The following ZW10 variants were observed in gnomAD, a reference collection of about 807,000 sequenced individuals.
The protein encoded by ZW10 is centromere/kinetochore protein zw10 homolog.
A neutral mutation model predicts 87.8 loss-of-function variants in ZW10; 53 were observed. The ratio of observed to expected loss-of-function variants is 0.60; its 90% CI spans 0.48 to 0.76. ZW10 has a LOEUF of 0.76. Among genes scored for constraint, ZW10 ranks in the 30% least tolerant of loss-of-function variants. ZW10 has a pLI of 0.00. For synonymous variants in ZW10, 312 were observed against 329.2 expected (o/e 0.95, Z 0.57); for missense variants, 837 against 923.0 (o/e 0.91, Z 1.21).
chr11:113,734,999 A>T (rs1008346670), intron 15 of ZW10, among the ~76,000 whole-genome samples: 2 of 152,118 alleles, frequency 1.3e-5, no homozygotes, highest in African/African-American at 4.8e-5. Flanking sequence ...GATAATGGTT[A>T]CCCCTCATGG....
chr11:113,773,039 A>G (rs1235060555), intron 1 of ZW10, among the ~76,000 whole-genome samples: 2 of 151,418 alleles, frequency 1.3e-5, no homozygotes, highest in African/African-American at 4.8e-5. Context: ...TTTTTTTTTA[A>G]TGTCGGGGAG....
At chr11:113,736,574 T>A in intron 15 of ZW10, 46 bp downstream of exon 15, 1 of 1,576,638 alleles carries the variant, frequency 6.3e-7, no homozygotes, top group Non-Finnish European at 8.7e-7. Context: ...ATTACTCTCT[T>A]GTAGCTATGG....
intron 15 of ZW10, 25 bp from the exon 16 acceptor site, chr11:113,733,839 AT>A: frequency 6.3e-7 from 1 of 1,579,540 alleles, no homozygotes; most frequent in Non-Finnish European, 8.6e-7. Flanking sequence ...ATAGAGTTCC[AT>A]TTCCTATTAG....
At chr11:113,748,973 G>T (rs1227447300) in intron 7 of ZW10, among the ~76,000 whole-genome samples, 1 of 152,056 alleles carries the variant, frequency 6.6e-6, no homozygotes, top group African/African-American at 2.4e-5. Flanking sequence ...TAAGAACCAG[G>T]CACCAATGTA....
intron 2 of ZW10, among the ~76,000 whole-genome samples, chr11:113,762,921 T>C (rs1953876537): frequency 6.6e-6 from 1 of 152,188 alleles, no homozygotes; most frequent in Non-Finnish European, 1.5e-5. Context: ...AAAAATGGGA[T>C]ACATGTGCAG....
In ZW10 at chr11:113,747,714, C is replaced by A; in HGVS notation, c.1090-1G>T. The A allele has an allele frequency of 3.8e-6, 6 of 1,581,202 alleles. No homozygotes were observed. Among genetic ancestry groups the A allele is most frequent in the Non-Finnish European group, 5.2e-6 (6 of 1,164,050 alleles). ...CAAATTCTTCAGTGGACTGTATGAT[C>A]TGAGATACAAAAGAAAAAAAAGAAA... On this transcript the variant is annotated splice_acceptor_variant, in intron 8 of 15. Transcript: ENST00000200135. LOFTEE classifies it high-confidence loss of function.
At chr11:113,757,938 C>A in intron 6 of ZW10, 85 bp from the exon 7 acceptor site, 1 of 1,176,994 alleles carries the variant, frequency 8.5e-7, no homozygotes, top group Non-Finnish European at 1.1e-6. Context: ...GTAATCCCAG[C>A]ACTTTGGGAG....
At chr11:113,760,169 G>C in intron 5 of ZW10, 40 bp downstream of exon 5, 1 of 1,599,488 alleles carries the variant, frequency 6.3e-7, no homozygotes, top group African/African-American at 1.3e-5. Flanking sequence ...CACTGGTTCA[G>C]GCAGATGAAG....
intron 7 of ZW10, among the ~76,000 whole-genome samples, chr11:113,754,510 A>G (rs1031975264): frequency 7.2e-5 from 11 of 152,044 alleles, no homozygotes; most frequent in African/African-American, 2.7e-4. Context: ...ACCCTTAAGG[A>G]TTATGCTAAA....
At chr11:113,769,161 CATT>C (rs766090753) in intron 1 of ZW10, among the ~76,000 whole-genome samples, 194 bp from the exon 2 acceptor site, 20 of 151,608 alleles carry the variant, frequency 1.3e-4, no homozygotes, top group South Asian at 8.3e-4. Flanking sequence ...GGTCTCATAA[CATT>C]ATTAGGGTGA....
At chr11:113,745,372 T>A (rs952310959) in intron 9 of ZW10, among the ~76,000 whole-genome samples, 2 of 151,918 alleles carry the variant, frequency 1.3e-5, no homozygotes, top group African/African-American at 2.4e-5. Context: ...ATAACAACTT[T>A]GCACATACTG....
chr11:113,741,027 T>A (rs2134869032), intron 11 of ZW10, among the ~76,000 whole-genome samples: 1 of 151,958 alleles, frequency 6.6e-6, no homozygotes, highest in South Asian at 2.1e-4. Flanking sequence ...AGGTTCACAA[T>A]AAGCTTTTAT....
chr11:113,757,499 C>CA (rs752454171), intron 7 of ZW10, among the ~76,000 whole-genome samples, 163 bp downstream of exon 7: 3 of 152,080 alleles, frequency 2.0e-5, no homozygotes, highest in African/African-American at 4.8e-5. Flanking sequence ...GCAAAATAGG[C>CA]AAAAAAACAA....
At chr11:113,743,780 T>A (rs1225221537) in intron 10 of ZW10, 22 bp downstream of exon 10, 2 of 1,590,286 alleles carry the variant, frequency 1.3e-6, no homozygotes, top group East Asian at 4.5e-5. Flanking sequence ...ATTGCCATTT[T>A]CACACAACCC....
In ZW10 at chr11:113,760,240, C is replaced by T; in HGVS notation, c.549G>A (p.Lys183=). ...ILYHLGEEWQ[K]LIVWKFPPSK... ...ATGGTGGGAACTTCCATACAATCAG[C>T]TTCTGCCACTCTTCTCCAAGGTGAT... Residue 183 remains lysine, a synonymous_variant, in exon 5 of 16, where the codon AAG becomes AAA. Transcript: ENST00000200135. The T allele has an allele frequency of 6.2e-7, 1 of 1,614,050 alleles. No individual in the cohort carries two copies. The highest frequency in any genetic ancestry group is 8.5e-7 in the Non-Finnish European group (1 of 1,179,970).
intron 7 of ZW10, among the ~76,000 whole-genome samples, chr11:113,752,926 C>T (rs866500780): frequency 5.3e-5 from 8 of 152,296 alleles, no homozygotes; most frequent in Admixed American, 2.0e-4. Flanking sequence ...AAAACTAGGC[C>T]TCTTGCACCA....
chr11:113,735,309 G>A (rs1227398714), intron 15 of ZW10, among the ~76,000 whole-genome samples: 1 of 152,118 alleles, frequency 6.6e-6, no homozygotes, highest in African/African-American at 2.4e-5. Flanking sequence ...ACAACAGAAA[G>A]AAAAATTCTT....
chr11:113,747,007 A>T (rs1953685160), intron 9 of ZW10, among the ~76,000 whole-genome samples: 1 of 152,044 alleles, frequency 6.6e-6, no homozygotes, highest in Non-Finnish European at 1.5e-5. Context: ...CAAGGTATAT[A>T]CATTATTTCA....
intron 1 of ZW10, among the ~76,000 whole-genome samples, chr11:113,772,075 T>G (rs1195435225): frequency 6.6e-6 from 1 of 151,700 alleles, no homozygotes; most frequent in African/African-American, 2.4e-5. Context: ...ACATTTGAAA[T>G]GGAACTTGAA....
Sources: gnomAD v4.1 joint callset for allele counts (sites outside exome capture counted in the v4.1 genomes callset) on GRCh38, gnomAD v4.1.1 for gene constraint, MANE v1.5 for transcripts, NCBI Gene and HGNC (gene_info 2026-07-23, HGNC 2026-07-21) for gene names.